ATP11A: variants seen among roughly 807,000 people sequenced by gnomAD.
The protein encoded by ATP11A is phospholipid-transporting ATPase IH.
ATP11A carries 81 observed loss-of-function variants against 154.4 expected under a neutral mutation model. That is an observed-to-expected ratio of 0.52 (90% CI 0.44 to 0.63). The LOEUF (loss-of-function observed/expected upper bound fraction) is 0.63, where lower values mean the gene tolerates loss of function less well. ATP11A is among the 30% of genes least tolerant of loss of function. ATP11A has a pLI of 0.00. For missense variants in ATP11A, 1,316 were observed against 1,474.3 expected, an observed-to-expected ratio of 0.89 and a Z score of 1.76; for synonymous variants, 623 against 585.9, an observed-to-expected ratio of 1.06 and a Z score of -0.91.
chr13:112,866,776 T>G (rs1486747777), intron 25 of ATP11A, among the ~76,000 whole-genome samples: 3 of 150,706 alleles, frequency 2.0e-5, no homozygotes, highest in Non-Finnish European at 4.4e-5. Flanking sequence ...TTTACCTGCT[T>G]TAGTCGTTTT....
intron 1 of ATP11A, among the ~76,000 whole-genome samples, chr13:112,693,893 A>G (rs960887601): frequency 2.0e-5 from 3 of 152,226 alleles, no homozygotes; most frequent in African/African-American, 4.8e-5. Flanking sequence ...CGGAGGTTGC[A>G]GTGAGCTGAG....
rs61961588 is a variant in ATP11A at position 112,865,161 on chromosome 13, C to T, written c.2991+2586C>T. Among the ~76,000 whole-genome samples the T allele has an allele frequency of 7.8e-4, 38 of 48,410 alleles. 2 individuals carry two copies. The highest frequency in any genetic ancestry group is 9.3e-4 in the African/African-American group (12 of 12,876). 31.8% of individuals were successfully genotyped at this position (48,410 alleles called of 152,430 possible). A position where few individuals can be genotyped will look rare whatever the true frequency, so the allele number is the denominator to read the frequency against. On this transcript the variant is annotated intron_variant, in intron 25 of 29. Transcript: ENST00000375645. ...TGCGCAGTAATTCAGTGCAGGCCCG[C>T]GCAGCTTCCCAGCGGGGTCCATCAC...
At chr13:112,729,872 G>A (rs746534728) in intron 1 of ATP11A, among the ~76,000 whole-genome samples, 4 of 152,230 alleles carry the variant, frequency 2.6e-5, no homozygotes, top group South Asian at 2.1e-4. Flanking sequence ...TGAAGCAAAC[G>A]GGGAATGGTT....
chr13:112,853,236 T>TTC (rs1304921465), intron 18 of ATP11A, among the ~76,000 whole-genome samples: 50 of 150,974 alleles, frequency 3.3e-4, no homozygotes, highest in South Asian at 4.2e-4. Flanking sequence ...CTCGCTCTCT[T>TTC]TCTCTCTCTC....
At chr13:112,865,128 TCAC>T (rs1217328079) in intron 25 of ATP11A, among the ~76,000 whole-genome samples, 1 of 94,356 alleles carries the variant, frequency 1.1e-5, no homozygotes, top group Non-Finnish European at 2.1e-5. Context: ...GCGGGGTCCA[TCAC>T]CACCTGCGCA....
intron 16 of ATP11A, among the ~76,000 whole-genome samples, chr13:112,837,470 T>G (rs1223190462): frequency 6.6e-6 from 1 of 152,190 alleles, no homozygotes; most frequent in African/African-American, 2.4e-5. Flanking sequence ...GAACCGATGC[T>G]CTTCTCAGCA....
chr13:112,843,787 C>T (rs1004755921), intron 17 of ATP11A, among the ~76,000 whole-genome samples: 5 of 152,198 alleles, frequency 3.3e-5, no homozygotes, highest in Non-Finnish European at 7.3e-5. Context: ...GCAGCCAGAG[C>T]CTGTGAACTT....
intron 2 of ATP11A, among the ~76,000 whole-genome samples, chr13:112,800,386 T>G (rs1462423141): frequency 6.6e-6 from 1 of 152,084 alleles, no homozygotes; most frequent in Non-Finnish European, 1.5e-5. Context: ...CCCATAAACT[T>G]GGTAACTTAG....
intron 1 of ATP11A, among the ~76,000 whole-genome samples, chr13:112,777,209 A>C (rs1196507078): frequency 6.6e-6 from 1 of 152,236 alleles, no homozygotes; most frequent in East Asian, 1.9e-4. Flanking sequence ...AGGCATGTGC[A>C]CAAAGACTGT....
chr13:112,742,057 C>G (rs2139755781), intron 1 of ATP11A, among the ~76,000 whole-genome samples: 1 of 152,272 alleles, frequency 6.6e-6, no homozygotes, highest in East Asian at 1.9e-4. Flanking sequence ...CTCCCCCTCC[C>G]CACAGTGCGC....
chr13:112,740,761 G>C (rs1303321311), intron 1 of ATP11A, among the ~76,000 whole-genome samples: 1 of 152,174 alleles, frequency 6.6e-6, no homozygotes, highest in Non-Finnish European at 1.5e-5. Flanking sequence ...TTCCTGTTGT[G>C]TAACATCCAG....
intron 1 of ATP11A, among the ~76,000 whole-genome samples, chr13:112,764,338 A>G (rs1003083187): frequency 3.3e-5 from 5 of 151,750 alleles, no homozygotes; most frequent in African/African-American, 4.9e-5. Flanking sequence ...TGTCACAGAC[A>G]GTGCACTGTA....
intron 6 of ATP11A, among the ~76,000 whole-genome samples, chr13:112,819,029 A>G (rs895349235): frequency 6.6e-6 from 1 of 152,268 alleles, no homozygotes; most frequent in African/African-American, 2.4e-5. Context: ...TACTACTATG[A>G]CAGATAAATC....
intron 2 of ATP11A, among the ~76,000 whole-genome samples, chr13:112,793,677 C>A (rs58664354): frequency 0.017 from 2,627 of 152,338 alleles, 70 homozygotes; most frequent in African/African-American, 0.058. Context: ...TGTCCGGCGT[C>A]CCCGCCTTTT....
intron 17 of ATP11A, 42 bp downstream of exon 17, chr13:112,842,421 C>T (rs775779673): frequency 1.7e-5 from 24 of 1,396,466 alleles, no homozygotes; most frequent in Non-Finnish European, 2.4e-5. Flanking sequence ...GGTCAGCTCC[C>T]CTGCTGTCAG....
At chr13:112,823,964 A>G (rs1267678825) in intron 9 of ATP11A, among the ~76,000 whole-genome samples, 1 of 152,152 alleles carries the variant, frequency 6.6e-6, no homozygotes, top group African/African-American at 2.4e-5. Context: ...ACCTAGCACG[A>G]TGTAAATACC....
At chr13:112,835,194 G>C (rs2079199083) in intron 15 of ATP11A, among the ~76,000 whole-genome samples, 1 of 152,184 alleles carries the variant, frequency 6.6e-6, no homozygotes, top group African/African-American at 2.4e-5. Context: ...CCATTTTTTA[G>C]GGACTGTCTC....
In ATP11A at chr13:112,831,564, C is replaced by A. The variant is rs757587281; in HGVS notation, c.1395+16C>A. The A allele has an allele frequency of 1.9e-6, 3 of 1,611,562 alleles. No homozygotes were observed. The highest frequency in any genetic ancestry group is 1.7e-5 in the Admixed American group (1 of 59,908). On this transcript the variant is annotated intron_variant, in intron 13 of 29. Coordinates refer to ENST00000375645, the MANE Select transcript of ATP11A (RefSeq NM_015205.3). ...CAACGGGAGGGTAGGTGGCAGCCCC[C>A]ACGCCGTCCAAGTGTGTGAGTGAGT... is the stretch of plus-strand genomic sequence containing the variant.
chr13:112,769,780 G>C (rs1177597577), intron 1 of ATP11A, among the ~76,000 whole-genome samples: 1 of 152,222 alleles, frequency 6.6e-6, no homozygotes, highest in Non-Finnish European at 1.5e-5. Flanking sequence ...TCCTGAGAGA[G>C]GCACCGTGAA....
Sources: gnomAD v4.1 joint callset for allele counts (sites outside exome capture counted in the v4.1 genomes callset) on GRCh38, gnomAD v4.1.1 for gene constraint, MANE v1.5 for transcripts, NCBI Gene and HGNC (gene_info 2026-07-23, HGNC 2026-07-21) for gene names.